The following BRWD1 variants were observed in gnomAD, a reference collection of about 807,000 sequenced individuals.
The protein encoded by BRWD1 is bromodomain and WD repeat domain containing 1.
Under a neutral mutation model 251.2 loss-of-function variants are expected in BRWD1, and 82 were observed. The ratio of observed to expected loss-of-function variants is 0.33; its 90% CI spans 0.27 to 0.39. The LOEUF (loss-of-function observed/expected upper bound fraction) is 0.39, where lower values mean the gene tolerates loss of function less well. Among genes scored for constraint, BRWD1 ranks in the 10% least tolerant of loss-of-function variants. The probability of loss-of-function intolerance (pLI) is 1.00; values close to 1 mark genes in which losing one functional copy is unlikely to be tolerated. For missense variants in BRWD1, 2,233 were observed against 2,711.6 expected (o/e 0.82, Z 3.92); for synonymous variants, 918 against 902.8 (o/e 1.02, Z -0.30).
chr21:39,294,518 G>T (rs1313906096), intron 7 of BRWD1, among the ~76,000 whole-genome samples: 3 of 152,104 alleles, frequency 2.0e-5, no homozygotes, highest in Non-Finnish European at 4.4e-5. Flanking sequence ...AGCCGGGCGT[G>T]GTGGCTGGCA....
At chr21:39,249,023 T>C (rs1345324895) in intron 20 of BRWD1, among the ~76,000 whole-genome samples, 1 of 151,346 alleles carries the variant, frequency 6.6e-6, no homozygotes, top group Non-Finnish European at 1.5e-5. Context: ...TATGGAATAC[T>C]ACCCAGCCAT....
chr21:39,244,141 G>T (rs144471660), intron 21 of BRWD1, among the ~76,000 whole-genome samples: 1,822 of 151,890 alleles, frequency 0.012, 34 homozygotes, highest in African/African-American at 0.041. Flanking sequence ...TCGGCTCACT[G>T]CAAGTTCTGC....
At chr21:39,295,987 G>T in intron 6 of BRWD1, 84 bp from the exon 7 acceptor site, 1 of 1,203,668 alleles carries the variant, frequency 8.3e-7, no homozygotes, top group South Asian at 2.2e-5. Context: ...ATTTCTAGAG[G>T]GTCACAAAAA....
intron 4 of BRWD1, among the ~76,000 whole-genome samples, chr21:39,301,145 C>G (rs2036100267): frequency 6.6e-6 from 1 of 150,596 alleles, no homozygotes; most frequent in Non-Finnish European, 1.5e-5. Flanking sequence ...CGCCACTGCA[C>G]TCCAGCCTGG....
chr21:39,298,725 A>T (rs1269373716), intron 4 of BRWD1, 143 bp from the exon 5 acceptor site: 2 of 590,388 alleles, frequency 3.4e-6, no homozygotes, highest in East Asian at 6.6e-5. Flanking sequence ...GACTTAAATA[A>T]ACAATAAGCT....
In BRWD1 at chr21:39,191,484, C is replaced by T; in HGVS notation, c.*4775G>A. 3 of 979,284 alleles carry T rather than the reference C, an allele frequency of 3.1e-6. No individual in the cohort carries two copies. Among genetic ancestry groups the T allele is most frequent in the Non-Finnish European group, 3.6e-6 (3 of 824,570 alleles). 60.7% of individuals were successfully genotyped at this position (979,284 alleles called of 1,614,324 possible). ...CCATTTAAGAACTGACAAAAATCATCTAAATGAATAGATTAATTTAGAACA... is the reference window on the plus strand; with the variant it reads ...CCATTTAAGAACTGACAAAAATCATTTAAATGAATAGATTAATTTAGAACA... On this transcript the variant is annotated 3_prime_UTR_variant, in exon 41 of 41. Transcript: ENST00000342449.
intron 19 of BRWD1, among the ~76,000 whole-genome samples, 188 bp downstream of exon 19, chr21:39,255,457 A>G (rs968978232): frequency 1.3e-5 from 2 of 152,112 alleles, no homozygotes; most frequent in African/African-American, 4.8e-5. Flanking sequence ...GAAAACCTTT[A>G]ATGTAGTAAA....
chr21:39,212,621 C>T (rs1425561664), intron 34 of BRWD1, 45 bp downstream of exon 34: 1 of 1,434,522 alleles, frequency 7.0e-7, no homozygotes, highest in East Asian at 2.3e-5. Context: ...GATTTTAAAA[C>T]AAAGAAAAAG....
chr21:39,288,435 T>G (rs917309418), intron 8 of BRWD1, among the ~76,000 whole-genome samples: 4 of 152,242 alleles, frequency 2.6e-5, no homozygotes, highest in Admixed American at 1.3e-4. Flanking sequence ...CCCCCAAGTT[T>G]TAATATGTAA....
chr21:39,277,769 T>TTGC (rs2035324058), intron 10 of BRWD1, among the ~76,000 whole-genome samples: 2 of 152,146 alleles, frequency 1.3e-5, no homozygotes, highest in Non-Finnish European at 1.5e-5. Flanking sequence ...TCTCACCATG[T>TTGC]TGGTCAGGAT....
At chr21:39,313,410 C>G in intron 1 of BRWD1, 33 bp downstream of exon 1, 1 of 1,455,006 alleles carries the variant, frequency 6.9e-7, no homozygotes, top group Non-Finnish European at 9.1e-7. Flanking sequence ...GCCGGGAGCG[C>G]CAGGGCGGGG....
chr21:39,246,361 A>C (rs2034188710), intron 21 of BRWD1, among the ~76,000 whole-genome samples: 1 of 152,216 alleles, frequency 6.6e-6, no homozygotes, highest in Non-Finnish European at 1.5e-5. Flanking sequence ...TGGAATAATA[A>C]CAATCATTGG....
In BRWD1 at chr21:39,236,923, C is replaced by T. The variant is rs1024124046; in HGVS notation, c.2577-139G>A. 46 of 652,492 alleles carry T rather than the reference C, an allele frequency of 7.0e-5. No individual in the cohort carries two copies. The South Asian group carries it at 7.1e-4, about 10-fold the overall frequency. The allele number at this position is 652,492 out of a possible 1,614,324, so 40.4% of individuals were successfully genotyped here. A position where few individuals can be genotyped will look rare whatever the true frequency, so the allele number is the denominator to read the frequency against. On this transcript the variant is annotated intron_variant, in intron 22 of 40. Transcript: ENST00000342449. ...CAGAAAGACTTAACTTGAGCATTCT[C>T]CCCTCACTACCAGCAAGTACTGAAG...
chr21:39,317,139 G>T (rs1249908424), upstream of BRWD1: 1 of 152,228 alleles, frequency 6.6e-6, no homozygotes, highest in Non-Finnish European at 1.5e-5. Flanking sequence ...CTGCCAGGAG[G>T]AGGAAAAAGA....
intron 19 of BRWD1, among the ~76,000 whole-genome samples, chr21:39,254,419 GC>G (rs2034496808): frequency 4.7e-5 from 1 of 21,350 alleles, no homozygotes. Flanking sequence ...AGGACAGGGA[GC>G]CTTAGAAAAG....
intron 32 of BRWD1, among the ~76,000 whole-genome samples, chr21:39,214,894 T>C (rs77062389): frequency 6.6e-6 from 1 of 151,172 alleles, no homozygotes. Context: ...TTTTTTTTTT[T>C]TCTGGAGACA....
At position 39,187,104 on chromosome 21, in the gene BRWD1, A is replaced by G. The variant is rs1369743296; in HGVS notation, c.*9155T>C. 2 of 1,604,408 alleles carry G rather than the reference A, an allele frequency of 1.2e-6. No homozygotes were observed. The highest frequency in any genetic ancestry group is 1.7e-6 in the Non-Finnish European group (2 of 1,177,678). The stretch of plus-strand genomic sequence containing the variant: ...TATTAATATCTTCTAGCTCTTTTTC[A>G]CTTTCAGAATTTATGGTTGTATCAT... On this transcript the variant is annotated 3_prime_UTR_variant, in exon 41 of 41. Transcript: ENST00000342449.
chr21:39,258,398 T>G (rs929472310), intron 18 of BRWD1, 89 bp downstream of exon 18: 2 of 1,130,828 alleles, frequency 1.8e-6, no homozygotes, highest in Non-Finnish European at 2.4e-6. Context: ...CTTAAGTTTC[T>G]CACATTACAT....
Position 39,313,433 on chromosome 21 carries a change from C to T in BRWD1, c.49+10G>A, listed in dbSNP as rs990130971. On this transcript the variant is annotated intron_variant, in intron 1 of 40. Transcript: ENST00000342449. The stretch of plus-strand genomic sequence containing the variant: ...CGCCAGGGCGGGGGTGGCACGGCCT[C>T]GCGTCTTACCCGACTCGATGAGAGG... The T allele has an allele frequency of 1.3e-5, 18 of 1,400,042 alleles. No individual in the cohort carries two copies. Among genetic ancestry groups the T allele is most frequent in the African/African-American group, 3.0e-5 (2 of 65,950 alleles). The allele number at this position is 1,400,042 out of a possible 1,614,324, so 86.7% of individuals were successfully genotyped here.
Sources: gnomAD v4.1 joint callset for allele counts (sites outside exome capture counted in the v4.1 genomes callset) on GRCh38, gnomAD v4.1.1 for gene constraint, MANE v1.5 for transcripts, NCBI Gene and HGNC (gene_info 2026-07-23, HGNC 2026-07-21) for gene names.